MIA2: variants seen among roughly 807,000 people sequenced by gnomAD.
MIA2 encodes melanoma inhibitory activity protein 2.
A neutral mutation model predicts 167.8 loss-of-function variants in MIA2; 127 were observed. That is an observed-to-expected ratio of 0.76 (90% CI 0.66 to 0.88). The LOEUF is 0.88. Among genes scored for constraint, MIA2 ranks in the 40% least tolerant of loss-of-function variants. The probability of loss-of-function intolerance (pLI) is 0.00; values close to 1 mark genes in which losing one functional copy is unlikely to be tolerated. For missense variants in MIA2, 1,690 were observed against 1,624.7 expected, an observed-to-expected ratio of 1.04 and a Z score of -0.69; for synonymous variants, 552 against 541.9, an observed-to-expected ratio of 1.02 and a Z score of -0.26.
chr14:39,305,935 CAAAA>C (rs11285736), intron 17 of MIA2, among the ~76,000 whole-genome samples: 5 of 125,570 alleles, frequency 4.0e-5, no homozygotes, highest in Admixed American at 8.0e-5. Context: ...GACTTTGTCT[CAAAA>C]AAAAAAAAAA....
At chr14:39,358,501 C>A (rs2074591039) in intron 23 of MIA2, among the ~76,000 whole-genome samples, 1 of 152,188 alleles carries the variant, frequency 6.6e-6, no homozygotes, top group Admixed American at 6.5e-5. Context: ...TGGGTTCGAA[C>A]TTCCTCCTTT....
intron 2 of MIA2, 140 bp downstream of exon 2, chr14:39,237,195 A>C: frequency 1.1e-6 from 1 of 918,090 alleles, no homozygotes; most frequent in Non-Finnish European, 1.7e-6. Flanking sequence ...ATCACAGCTC[A>C]CTACAACTTC....
rs2069887134 is a variant in MIA2, at chr14:39,334,696, A to T, written c.3655+7674A>T. 2.7e-5 allele frequency among the ~76,000 whole-genome samples: 4 copies of T among 150,432 alleles called. No individual in the cohort carries two copies. In the South Asian group the frequency reaches 8.5e-4, roughly 32 times the overall value. On this transcript the variant is annotated intron_variant, in intron 25 of 28. Coordinates refer to ENST00000640607, the MANE Select transcript of MIA2 (RefSeq NM_001329214.4). ...ATTCTCCTGCCTCATCCTCCCGAGT[A>T]CCCGGGATTACAGGGCATGTGCCAC...
intron 3 of MIA2, among the ~76,000 whole-genome samples, chr14:39,240,912 A>G (rs1333858711): frequency 1.3e-5 from 2 of 152,208 alleles, no homozygotes; most frequent in Non-Finnish European, 2.9e-5. Context: ...CTGGAGATGG[A>G]CTGAGTTTAA....
At chr14:39,347,519 A>G in intron 26 of MIA2, 194 bp from the exon 27 acceptor site, 3 of 572,676 alleles carry the variant, frequency 5.2e-6, no homozygotes, top group South Asian at 4.3e-5. Flanking sequence ...GCCACATGCC[A>G]TCATAGAACT....
intron 2 of MIA2, among the ~76,000 whole-genome samples, chr14:39,237,755 T>A (rs973687891): frequency 1.3e-5 from 2 of 152,190 alleles, no homozygotes; most frequent in African/African-American, 4.8e-5. Flanking sequence ...TGTTTGTTTT[T>A]TGAGACAAAG....
At chr14:39,317,712 T>C (rs2065740487) in intron 21 of MIA2, among the ~76,000 whole-genome samples, 1 of 152,182 alleles carries the variant, frequency 6.6e-6, no homozygotes, top group Admixed American at 6.5e-5. Flanking sequence ...GATTTATGGA[T>C]GAGGAAACAG....
chr14:39,385,770 C>T (rs2075263300), intron 23 of MIA2: 3 of 873,158 alleles, frequency 3.4e-6, no homozygotes, highest in South Asian at 2.6e-5. Flanking sequence ...AATTTGTTAC[C>T]AGGTCATTTA....
intron 23 of MIA2, among the ~76,000 whole-genome samples, chr14:39,373,931 A>T (rs2074999025): frequency 6.6e-6 from 1 of 152,224 alleles, no homozygotes; most frequent in Non-Finnish European, 1.5e-5. Context: ...GGAGTCCCAC[A>T]TGGGAGAATC....
chr14:39,366,871 C>G (rs138467298), intron 23 of MIA2, among the ~76,000 whole-genome samples: 13 of 152,124 alleles, frequency 8.5e-5, no homozygotes, highest in Non-Finnish European at 1.3e-4. Context: ...CTCGTAGGCT[C>G]TAGGGAGGAC....
chr14:39,288,475 A>ATATAT (rs1294270700), intron 9 of MIA2, among the ~76,000 whole-genome samples: 4 of 50,520 alleles, frequency 7.9e-5, no homozygotes, highest in African/African-American at 4.3e-4. Context: ...ATATATATAT[A>ATATAT]TTTTTTTTTT....
chr14:39,285,203 C>T (rs1566725550), intron 9 of MIA2, among the ~76,000 whole-genome samples: 2 of 152,170 alleles, frequency 1.3e-5, no homozygotes, highest in South Asian at 2.1e-4. Context: ...CCCCACCTTT[C>T]CCCCTTTTCT....
At chr14:39,246,271 A>AT (rs1232255134) in intron 3 of MIA2, among the ~76,000 whole-genome samples, 2 of 151,574 alleles carry the variant, frequency 1.3e-5, no homozygotes, top group Admixed American at 6.6e-5. Context: ...TAATTTTTGT[A>AT]TTTTTTAGTA....
At position 39,306,432 on chromosome 14, in the gene MIA2, G is replaced by C. The variant is rs554137452; in HGVS notation, c.2879-2017G>C. On this transcript the variant is annotated intron_variant, in intron 17 of 28. Transcript: ENST00000640607. ...TGGGAGCAGGAGGAAGAGAGTGAAGGGGGAGGTGTTACACACTTTAAAACA... is the reference window on the plus strand; with the variant it reads ...TGGGAGCAGGAGGAAGAGAGTGAAGCGGGAGGTGTTACACACTTTAAAACA... 3.9e-5 allele frequency among the ~76,000 whole-genome samples: 6 copies of C among 152,204 alleles called. No homozygotes were observed. In the East Asian group the frequency reaches 1.2e-3, roughly 29 times the overall value.
chr14:39,383,184 A>G (rs1175861377), intron 23 of MIA2, among the ~76,000 whole-genome samples: 1 of 152,094 alleles, frequency 6.6e-6, no homozygotes, highest in Non-Finnish European at 1.5e-5. Flanking sequence ...GTTTTAACAC[A>G]TTGAAGGTTT....
chr14:39,306,526 A>C (rs2063365834), intron 17 of MIA2, among the ~76,000 whole-genome samples: 2 of 152,166 alleles, frequency 1.3e-5, no homozygotes, highest in Non-Finnish European at 2.9e-5. Flanking sequence ...AAACCATTAG[A>C]AACCACCCCC....
At chr14:39,268,553 G>A (rs1428547702) in intron 6 of MIA2, among the ~76,000 whole-genome samples, 1 of 152,180 alleles carries the variant, frequency 6.6e-6, no homozygotes, top group Non-Finnish European at 1.5e-5. Flanking sequence ...AGAGTGTAAA[G>A]TGGGCTTAGG....
At chr14:39,258,024 C>G (rs761553509) in intron 6 of MIA2, among the ~76,000 whole-genome samples, 12 of 152,032 alleles carry the variant, frequency 7.9e-5, no homozygotes, top group African/African-American at 1.2e-4. Flanking sequence ...ACATTTTTTC[C>G]TTCATTTCAA....
intron 13 of MIA2, among the ~76,000 whole-genome samples, chr14:39,298,416 T>TAC (rs2061762793): frequency 5.6e-5 from 1 of 17,976 alleles, no homozygotes; most frequent in Non-Finnish European, 1.0e-4. Flanking sequence ...TTCTGTTTTA[T>TAC]ATATATATAT....
Sources: allele counts gnomAD v4.1 joint callset (sites outside exome capture counted in the v4.1 genomes callset), GRCh38; gene constraint gnomAD v4.1.1; transcripts MANE v1.5; gene names NCBI Gene and HGNC (gene_info 2026-07-23, HGNC 2026-07-21).